Variants in JADE2 observed in about 807,000 individuals in gnomAD.
JADE2 encodes jade family PHD finger 2.
In JADE2, 13 loss-of-function variants were observed where a neutral mutation model predicts 85.7. The ratio of observed to expected loss-of-function variants is 0.15; its 90% CI spans 0.10 to 0.24. The LOEUF (loss-of-function observed/expected upper bound fraction) is 0.24. Ranked by LOEUF, JADE2 falls within the 10% of genes least tolerant of loss-of-function variation. The probability of loss-of-function intolerance (pLI) is 1.00; values close to 1 mark genes in which losing one functional copy is unlikely to be tolerated. For missense variants in JADE2, 846 were observed against 1,115.9 expected (o/e 0.76, Z 3.45); for synonymous variants, 440 against 456.1 (o/e 0.96, Z 0.45).
chr5:134,527,811 C>G (rs746546543), intron 1 of JADE2, among the ~76,000 whole-genome samples: 3 of 152,214 alleles, frequency 2.0e-5, no homozygotes, highest in Admixed American at 6.5e-5. Context: ...CTGCTGGCCT[C>G]TTGCTGGAGG....
chr5:134,551,655 G>A (rs1243706516), intron 3 of JADE2, among the ~76,000 whole-genome samples: 1 of 152,072 alleles, frequency 6.6e-6, no homozygotes, highest in Non-Finnish European at 1.5e-5. Context: ...TGGGATTACA[G>A]GCATGAGCCA....
chr5:134,570,450 A>G (rs904895430), intron 9 of JADE2, among the ~76,000 whole-genome samples: 1 of 151,830 alleles, frequency 6.6e-6, no homozygotes, highest in African/African-American at 2.4e-5. Context: ...TCATCTTCAA[A>G]AGCGAATCCT....
chr5:134,548,937 G>T (rs1430938283), intron 3 of JADE2, among the ~76,000 whole-genome samples: 1 of 152,200 alleles, frequency 6.6e-6, no homozygotes, highest in African/African-American at 2.4e-5. Context: ...TCCTGCTTAT[G>T]GGGGTTCAGA....
At position 134,578,821 on chromosome 5, in the gene JADE2, A is replaced by G. The variant is rs1428007182; in HGVS notation, c.2009A>G (p.Lys670Arg). ...GSRTTPDKAPKKTWGQDAGSG... is the reference protein window; with the variant it reads ...GSRTTPDKAPRKTWGQDAGSG... Reference sequence around the variant, plus strand: ...CGGACGACTCCAGACAAAGCCCCCAAGAAGACCTGGGGCCAGGATGCAGGC... The same window carrying G: ...CGGACGACTCCAGACAAAGCCCCCAGGAAGACCTGGGGCCAGGATGCAGGC... Residue 670 changes from lysine (K) to arginine (R), a missense_variant, in exon 12 of 12, where the codon AAG becomes AGG. Around this residue, in one of 9 missense-constraint regions of JADE2, gnomAD observed 300 missense variants for 300.7 expected, o/e 1.00. Transcript: ENST00000681547. This position sits in a 1 kb window ranked among gnomAD's most constrained non-coding sequence, Gnocchi z 4.4. 2.5e-6 allele frequency: 4 copies of G among 1,613,756 alleles called. No individual in the cohort carries two copies. Among genetic ancestry groups the G allele is most frequent in the Non-Finnish European group, 2.5e-6 (3 of 1,180,004 alleles).
At chr5:134,532,837 CAG>C (rs1761330609) in intron 1 of JADE2, among the ~76,000 whole-genome samples, 1 of 152,164 alleles carries the variant, frequency 6.6e-6, no homozygotes, top group Non-Finnish European at 1.5e-5. Context: ...GCCACTGTGA[CAG>C]TGGGAGCTCG....
At chr5:134,527,544 G>A (rs571832395) in intron 1 of JADE2, among the ~76,000 whole-genome samples, 1 of 149,118 alleles carries the variant, frequency 6.7e-6, no homozygotes, top group Non-Finnish European at 1.5e-5. Context: ...CCCCTCCCCC[G>A]ACCTGGGTGT....
intron 9 of JADE2, among the ~76,000 whole-genome samples, chr5:134,573,115 G>A (rs1310072532): frequency 2.0e-5 from 3 of 152,236 alleles, no homozygotes; most frequent in South Asian, 2.1e-4. Context: ...TGCAAGTACC[G>A]GGGCCATTTG....
At chr5:134,551,785 C>T (rs575530015) in intron 3 of JADE2, among the ~76,000 whole-genome samples, 1 of 152,284 alleles carries the variant, frequency 6.6e-6, no homozygotes, top group African/African-American at 2.4e-5. Flanking sequence ...GGTCCACTCC[C>T]AACTATCCCT....
At chr5:134,528,990 A>C (rs1471208148) in intron 1 of JADE2, among the ~76,000 whole-genome samples, 1 of 152,190 alleles carries the variant, frequency 6.6e-6, no homozygotes, top group Non-Finnish European at 1.5e-5. Flanking sequence ...GCCAGTCCCC[A>C]GGTCCTAGAT....
At chr5:134,573,520 C>A in intron 9 of JADE2, 125 bp from the exon 10 acceptor site, 1 of 739,004 alleles carries the variant, frequency 1.4e-6, no homozygotes, top group Non-Finnish European at 2.4e-6. Flanking sequence ...ATGTTCTGGG[C>A]AGGATAGGCT....
intron 4 of JADE2, among the ~76,000 whole-genome samples, chr5:134,556,864 C>T (rs946425542): frequency 6.7e-6 from 1 of 148,722 alleles, no homozygotes. Flanking sequence ...GCACACACCA[C>T]ACACACCTCA....
intron 3 of JADE2, among the ~76,000 whole-genome samples, chr5:134,551,757 GTCTT>G (rs1762605129): frequency 6.6e-6 from 1 of 152,056 alleles, no homozygotes; most frequent in Non-Finnish European, 1.5e-5. Flanking sequence ...TTCTCTGCCA[GTCTT>G]TCTTTCTCTC....
intron 4 of JADE2, 102 bp from the exon 5 acceptor site, chr5:134,559,728 C>A: frequency 8.3e-7 from 1 of 1,207,226 alleles, no homozygotes; most frequent in Non-Finnish European, 1.1e-6. Context: ...TCAAAGCACA[C>A]TTGTCCATCA....
intron 1 of JADE2, among the ~76,000 whole-genome samples, chr5:134,527,954 C>T (rs892242664): frequency 2.0e-5 from 3 of 152,164 alleles, no homozygotes; most frequent in Non-Finnish European, 2.9e-5. Flanking sequence ...TCTGCAGGAT[C>T]CCGAGGCACA....
At chr5:134,525,163 G>A (rs1264037844), upstream of JADE2, among the ~76,000 whole-genome samples, 1 of 147,614 alleles carries the variant, frequency 6.8e-6, no homozygotes. Context: ...GTATAAGCTC[G>A]CTTTTTTTTT....
rs1760769802 is a variant in JADE2, at chr5:134,525,798, T to C, written c.-214T>C. On this transcript the variant is annotated 5_prime_UTR_variant, in exon 1 of 12. Transcript: ENST00000681547. Reference sequence around the variant, plus strand: ...CCACTCCTAGCGGCACCGGCTTAGGTCCTGCGGGCCGACCGTCCCCGGCGG... The same window carrying C: ...CCACTCCTAGCGGCACCGGCTTAGGCCCTGCGGGCCGACCGTCCCCGGCGG... 1.9e-6 allele frequency: 2 copies of C among 1,034,090 alleles called. No homozygotes were observed. Among genetic ancestry groups the C allele is most frequent in the African/African-American group, 1.7e-5 (1 of 57,468 alleles). The allele number at this position is 1,034,090 out of a possible 1,614,324, so 64.1% of individuals were successfully genotyped here. A position where few individuals can be genotyped will look rare whatever the true frequency, so the allele number is the denominator to read the frequency against.
Position 134,535,850 on chromosome 5 carries a change from T to C in JADE2, c.1-8T>C. On this transcript the variant is annotated splice_region_variant and splice_polypyrimidine_tract_variant and intron_variant, in intron 1 of 11. Coordinates refer to ENST00000681547, the MANE Select transcript of JADE2 (RefSeq NM_001388185.1). Reference sequence around the variant, plus strand: ...CCGTGAGTATAATGGGCTTGCCTTTTGTTGCAGATGGAAGAGAAGAGGCGA... The same window carrying C: ...CCGTGAGTATAATGGGCTTGCCTTTCGTTGCAGATGGAAGAGAAGAGGCGA... 1 of 1,613,924 alleles carries C rather than the reference T, an allele frequency of 6.2e-7. No individual in the cohort carries two copies. The highest frequency in any genetic ancestry group is 8.5e-7 in the Non-Finnish European group (1 of 1,179,818).
intron 3 of JADE2, among the ~76,000 whole-genome samples, chr5:134,541,173 A>G (rs1761940104): frequency 1.3e-5 from 2 of 152,328 alleles, no homozygotes; most frequent in South Asian, 2.1e-4. Flanking sequence ...CTCCCCGCCC[A>G]GAACCCTTGA....
intron 8 of JADE2, 93 bp downstream of exon 8, chr5:134,564,703 A>G (rs1378934184): frequency 2.7e-6 from 2 of 748,152 alleles, no homozygotes; most frequent in Non-Finnish European, 4.3e-6. Context: ...TCTCCCCTCC[A>G]TGGGGCTGCA....
Sources: allele counts gnomAD v4.1 joint callset (sites outside exome capture counted in the v4.1 genomes callset), GRCh38; gene constraint gnomAD v4.1.1; regional missense constraint gnomAD v4.1.1; non-coding constraint Gnocchi (gnomAD v3.1); transcripts MANE v1.5; gene names NCBI Gene and HGNC (gene_info 2026-07-23, HGNC 2026-07-21).